Variants in MRI1 observed in about 807,000 individuals in gnomAD.
MRI1 encodes methylthioribose-1-phosphate isomerase.
In MRI1, 32 loss-of-function variants were observed where a neutral mutation model predicts 27.3. The observed-to-expected ratio is 1.17, with a 90% CI of 0.88 to 1.57. The LOEUF (loss-of-function observed/expected upper bound fraction) is 1.57, where lower values mean the gene tolerates loss of function less well. Among genes scored for constraint, MRI1 ranks in the 40% most tolerant of loss-of-function variants. The probability of loss-of-function intolerance (pLI) is 0.00; values close to 1 mark genes in which losing one functional copy is unlikely to be tolerated. For missense variants in MRI1, 508 were observed against 516.1 expected, an observed-to-expected ratio of 0.98 and a Z score of 0.15; for synonymous variants, 216 against 227.4, an observed-to-expected ratio of 0.95 and a Z score of 0.45.
intron 3 of MRI1, 127 bp from the exon 4 acceptor site, chr19:13,768,434 C>A: frequency 6.4e-7 from 1 of 1,555,266 alleles, no homozygotes; most frequent in Non-Finnish European, 8.7e-7. Context: ...GGCCCCTGGG[C>A]GGGACTGTGC....
chr19:13,772,257 A>T lies in MRI1; in HGVS notation c.1086A>T (p.Gly362=). The T allele has an allele frequency of 6.2e-7, 1 of 1,613,842 alleles. No homozygotes were observed. Among genetic ancestry groups the T allele is most frequent in the Non-Finnish European group, 8.5e-7 (1 of 1,179,876 alleles). Residue 362 remains glycine, a synonymous_variant, in exon 6 of 6, where the codon GGA becomes GGT. Coordinates refer to ENST00000040663, the MANE Select transcript of MRI1 (RefSeq NM_001031727.4). ...CCACCACCATCTCTTCCAGGGATGG[A>T]ACCCTAGATGGACCCCAGATGTAAC... ...ALTTTISSRD[G]TLDGPQM is the part of the protein sequence containing the mutation.
At position 13,772,429 on chromosome 19, in the gene MRI1, A is replaced by G. The variant is rs1459657626; in HGVS notation, c.*148A>G. 1 of 695,808 alleles carries G rather than the reference A, an allele frequency of 1.4e-6. No homozygotes were observed. The allele number at this position is 695,808 out of a possible 1,614,324, so 43.1% of individuals were successfully genotyped here. On this transcript the variant is annotated 3_prime_UTR_variant, in exon 6 of 6. Coordinates refer to ENST00000040663, the MANE Select transcript of MRI1 (RefSeq NM_001031727.4). ...GCCTTCCATCTAGAGCCCAGCACCTAGAGCCAGGCTGCCCAGATTCAAATC... is the reference window on the plus strand; with the variant it reads ...GCCTTCCATCTAGAGCCCAGCACCTGGAGCCAGGCTGCCCAGATTCAAATC...
intron 5 of MRI1, 118 bp from the exon 6 acceptor site, chr19:13,772,003 C>A: frequency 1.1e-6 from 1 of 929,658 alleles, no homozygotes; most frequent in Non-Finnish European, 1.6e-6. Context: ...TGAGAATCCT[C>A]AGGTTCTCAA....
intron 3 of MRI1, among the ~76,000 whole-genome samples, chr19:13,766,612 G>A (rs549670560): frequency 2.0e-5 from 3 of 152,216 alleles, no homozygotes; most frequent in Admixed American, 6.5e-5. Context: ...GGGGGAGTGG[G>A]CTGTAGGGGG....
chr19:13,768,637 A>G lies in MRI1; in HGVS notation c.624A>G (p.Gly208=), dbSNP rs1974198000. The part of the protein sequence containing the change: ...FCTETRPYNQ[G]ARLTAFELVY... ...CAGAGACCCGGCCCTACAACCAGGG[A>G]GCCCGGCTGACGGCCTTTGAGCTGG... Residue 208 remains glycine (G), a synonymous_variant, in exon 4 of 6, where the codon GGA becomes GGG. Transcript: ENST00000040663. 11 of 1,613,706 alleles carry G rather than the reference A, an allele frequency of 6.8e-6. No individual in the cohort carries two copies. In the East Asian group the frequency reaches 2.5e-4, roughly 36 times the overall value.
At chr19:13,768,462 A>G in intron 3 of MRI1, 99 bp from the exon 4 acceptor site, 6 of 1,575,422 alleles carry the variant, frequency 3.8e-6, no homozygotes, top group Non-Finnish European at 5.2e-6. Flanking sequence ...GCCTTTGGCA[A>G]TCCACGCCCA....
At chr19:13,767,031 ATATATATTTTTTTTTTTTTTT>A (rs1338333994) in intron 3 of MRI1, among the ~76,000 whole-genome samples, 30 of 29,096 alleles carry the variant, frequency 1.0e-3, no homozygotes, top group African/African-American at 2.6e-3. Flanking sequence ...ATATATATAT[ATATATATTTTTTTTTTTTTTT>A]TTTTTTTTTT....
chr19:13,768,292 T>A lies in MRI1; in HGVS notation c.548-269T>A, dbSNP rs191399666. 33 of 796,314 alleles carry A rather than the reference T, an allele frequency of 4.1e-5. 1 individual carries two copies. In the Admixed American group the frequency reaches 4.8e-4, roughly 12 times the overall value. 49.3% of individuals were successfully genotyped at this position (796,314 alleles called of 1,614,324 possible). A position where few individuals can be genotyped will look rare whatever the true frequency, so the allele number is the denominator to read the frequency against. ...AGGACAGAGAGCAGGAAACTGAAAG[T>A]GTGGGGATTGCTATGCAAAACTGAT... is the stretch of plus-strand genomic sequence containing the variant. On this transcript the variant is annotated intron_variant, in intron 3 of 5. Transcript: ENST00000040663.
chr19:13,768,470 C>T, intron 3 of MRI1, 91 bp from the exon 4 acceptor site: 1 of 1,582,550 alleles, frequency 6.3e-7, no homozygotes, highest in Non-Finnish European at 8.6e-7. Flanking sequence ...CAATCCACGC[C>T]CAGACTAGGA....
rs546230304 is a variant in MRI1, at chr19:13,769,166, C to G, written c.949+118C>G. On this transcript the variant is annotated intron_variant, in intron 5 of 5. Coordinates refer to ENST00000040663, the MANE Select transcript of MRI1 (RefSeq NM_001031727.4). Reference sequence around the variant, plus strand: ...ACACAGCTCCTACAAGCCACTTTTTCTTTTTTCTTTTTTTTGAGATGGAGT... The same window carrying G: ...ACACAGCTCCTACAAGCCACTTTTTGTTTTTTCTTTTTTTTGAGATGGAGT... 1.6e-4 allele frequency: 140 copies of G among 874,126 alleles called. No homozygotes were observed. The African/African-American group carries it at 2.2e-3, about 14-fold the overall frequency. 54.1% of individuals were successfully genotyped at this position (874,126 alleles called of 1,614,324 possible). A position where few individuals can be genotyped will look rare whatever the true frequency, so the allele number is the denominator to read the frequency against.
At chr19:13,768,487 A>AC (rs1230150576) in intron 3 of MRI1, 74 bp from the exon 4 acceptor site, 1 of 1,588,252 alleles carries the variant, frequency 6.3e-7, no homozygotes, top group Non-Finnish European at 8.6e-7. Context: ...AGGAGCCTGC[A>AC]CCCCTAACCA....
chr19:13,766,870 A>G (rs536061105), intron 3 of MRI1, among the ~76,000 whole-genome samples: 1 of 151,720 alleles, frequency 6.6e-6, no homozygotes, highest in Admixed American at 6.6e-5. Flanking sequence ...GGAACAGTCA[A>G]CAGGCAAAAT....
chr19:13,767,113 C>T (rs1337306772), intron 3 of MRI1, among the ~76,000 whole-genome samples: 1 of 132,196 alleles, frequency 7.6e-6, no homozygotes, highest in Non-Finnish European at 1.6e-5. Flanking sequence ...GTGGCATGAT[C>T]TCAGCTTACT....
At chr19:13,770,896 G>A (rs549435173) in intron 5 of MRI1, among the ~76,000 whole-genome samples, 3,675 of 144,228 alleles carry the variant, frequency 0.025, 139 homozygotes, top group African/African-American at 0.092. Flanking sequence ...AGAAAAAAAA[G>A]AAAAAACAGT....
chr19:13,768,704 G>A lies in MRI1; in HGVS notation c.691G>A (p.Val231Met). Residue 231 changes from valine to methionine, a missense_variant, in exon 4 of 6, where the codon GTG becomes ATG. This residue lies in a region of MRI1 where 457 missense variants were observed against 452.8 expected (regional missense o/e 1.01). Transcript: ENST00000040663. ...CGCCACCCTTATCACCGACAGCATG[G>A]TGGCTGCTGCCATGGCCCATAGGGG... ...IPATLITDSM[V>M]AAAMAHRGVS... 1.2e-6 allele frequency: 2 copies of A among 1,613,930 alleles called. No homozygotes were observed. The highest frequency in any genetic ancestry group is 1.7e-6 in the Non-Finnish European group (2 of 1,180,000).
At chr19:13,769,403 A>G (rs1245712441) in intron 5 of MRI1, among the ~76,000 whole-genome samples, 1 of 152,006 alleles carries the variant, frequency 6.6e-6, no homozygotes, top group Non-Finnish European at 1.5e-5. Flanking sequence ...ACCTCAAGCA[A>G]TCAGCCTGCC....
In MRI1 at chr19:13,769,035, G is replaced by C; in HGVS notation, c.936G>C (p.Arg312=). The C allele has an allele frequency of 1.2e-6, 2 of 1,608,756 alleles. No homozygotes were observed. The highest frequency in any genetic ancestry group is 1.7e-6 in the Non-Finnish European group (2 of 1,176,360). ...AGCTGACCGATGTTAATGGGGTCCG[G>C]ATTGCAGCACCTGGTAAGCTGCCCC... ...GQELTDVNGV[R]IAAPGIGVWN... is the part of the protein sequence containing the mutation. The change falls in exon 5 of 6, where the codon CGG becomes CGC. Residue 312 remains arginine (R), a synonymous_variant. Transcript: ENST00000040663.
At chr19:13,766,268 A>G in intron 3 of MRI1, 139 bp downstream of exon 3, 1 of 711,506 alleles carries the variant, frequency 1.4e-6, no homozygotes, top group Non-Finnish European at 2.1e-6. Context: ...ACACTTATAC[A>G]GTTGGCTTCA....
At chr19:13,765,547 A>G (rs1264859466) in intron 2 of MRI1, among the ~76,000 whole-genome samples, 1 of 151,952 alleles carries the variant, frequency 6.6e-6, no homozygotes, top group Non-Finnish European at 1.5e-5. Context: ...AGCCTGCCTT[A>G]CAGCCTTTGC....
Sources: allele counts gnomAD v4.1 joint callset (sites outside exome capture counted in the v4.1 genomes callset), GRCh38; gene constraint gnomAD v4.1.1; regional missense constraint gnomAD v4.1.1; transcripts MANE v1.5; gene names NCBI Gene and HGNC (gene_info 2026-07-23, HGNC 2026-07-21).